Variants in RBFOX1 observed in about 807,000 individuals in gnomAD.
RBFOX1 encodes RNA binding protein fox-1 homolog 1.
In RBFOX1, 8 loss-of-function variants were observed where a neutral mutation model predicts 57.7. The observed-to-expected ratio is 0.14, with a 90% CI of 0.08 to 0.25. The LOEUF (loss-of-function observed/expected upper bound fraction) is 0.25, where lower values mean the gene tolerates loss of function less well. RBFOX1 is among the 10% of genes least tolerant of loss of function. The probability of loss-of-function intolerance (pLI) is 1.00; values close to 1 mark genes in which losing one functional copy is unlikely to be tolerated. For missense variants in RBFOX1, 611 were observed against 548.5 expected, an observed-to-expected ratio of 1.11 and a Z score of -1.14; for synonymous variants, 326 against 222.4, an observed-to-expected ratio of 1.47 and a Z score of -4.15.
At chr16:6,680,028 A>T (rs1321556069) in intron 3 of RBFOX1, among the ~76,000 whole-genome samples, 1 of 151,998 alleles carries the variant, frequency 6.6e-6, no homozygotes, top group African/African-American at 2.4e-5. Flanking sequence ...GACAGAGTTC[A>T]ACCCAGTTCT....
intron 4 of RBFOX1, among the ~76,000 whole-genome samples, chr16:7,351,647 C>T (rs2097131886): frequency 6.6e-6 from 1 of 152,312 alleles, no homozygotes; most frequent in African/African-American, 2.4e-5. Context: ...CACCCATTAG[C>T]TCACTTGTTC....
intron 3 of RBFOX1, among the ~76,000 whole-genome samples, chr16:5,765,196 T>C (rs182103488): frequency 1.3e-5 from 2 of 152,208 alleles, no homozygotes; most frequent in Admixed American, 1.3e-4. Context: ...AATACACATA[T>C]CCTCTCCAGA....
intron 4 of RBFOX1, among the ~76,000 whole-genome samples, chr16:7,311,911 G>A (rs1035826017): frequency 6.6e-6 from 1 of 152,204 alleles, no homozygotes; most frequent in East Asian, 1.9e-4. Context: ...TGATCCAGCT[G>A]AATTGAGCAA....
chr16:7,448,411 G>A (rs1477555745), intron 4 of RBFOX1, among the ~76,000 whole-genome samples: 1 of 152,152 alleles, frequency 6.6e-6, no homozygotes, highest in Non-Finnish European at 1.5e-5. Flanking sequence ...ATGGTGGAAG[G>A]CAAAGGAGGT....
At chr16:5,424,872 TTTTTTTCTTTC>T (rs1466491485) in intron 1 of RBFOX1, among the ~76,000 whole-genome samples, 21 of 100,262 alleles carry the variant, frequency 2.1e-4, no homozygotes, top group African/African-American at 4.6e-4. Flanking sequence ...CTTTCTTTCT[TTTTTTTCTTTC>T]TTTCTTTCTT....
chr16:6,876,613 A>G (rs1018101242), intron 3 of RBFOX1, among the ~76,000 whole-genome samples: 1 of 152,202 alleles, frequency 6.6e-6, no homozygotes, highest in Non-Finnish European at 1.5e-5. Context: ...ATACTAGAGT[A>G]AAAGACTTGT....
chr16:7,047,946 T>C (rs923572452), intron 3 of RBFOX1, among the ~76,000 whole-genome samples: 5 of 152,074 alleles, frequency 3.3e-5, no homozygotes, highest in African/African-American at 1.2e-4. Flanking sequence ...TGGTGCAGTC[T>C]TTACTCACTG....
At chr16:6,003,558 C>A (rs894302121) in intron 4 of RBFOX1, among the ~76,000 whole-genome samples, 1 of 151,718 alleles carries the variant, frequency 6.6e-6, no homozygotes, top group South Asian at 2.1e-4. Flanking sequence ...TCCACCCCTG[C>A]GGTACCTTTG....
At chr16:6,519,937 A>G (rs541458868) in intron 2 of RBFOX1, among the ~76,000 whole-genome samples, 1 of 152,306 alleles carries the variant, frequency 6.6e-6, no homozygotes, top group African/African-American at 2.4e-5. Flanking sequence ...CCCTTCTGCA[A>G]TGACTGAGCA....
chr16:7,422,318 G>A (rs545016712), intron 4 of RBFOX1, among the ~76,000 whole-genome samples: 1 of 152,262 alleles, frequency 6.6e-6, no homozygotes, highest in African/African-American at 2.4e-5. Context: ...CCACACAGGA[G>A]AGCAAGTGAG....
At chr16:7,666,058 G>A (rs774249995) in intron 13 of RBFOX1, among the ~76,000 whole-genome samples, 34 of 152,242 alleles carry the variant, frequency 2.2e-4, no homozygotes, top group Middle Eastern at 3.4e-3. Context: ...TTCACTCAGT[G>A]ATCAATTTTC....
At chr16:6,876,687 A>C (rs909343184) in intron 3 of RBFOX1, among the ~76,000 whole-genome samples, 2 of 152,100 alleles carry the variant, frequency 1.3e-5, no homozygotes, top group Non-Finnish European at 2.9e-5. Flanking sequence ...TCTTGGCTGG[A>C]ACCAAAGAAG....
chr16:6,951,398 A>G (rs994188719), intron 3 of RBFOX1, among the ~76,000 whole-genome samples: 11 of 152,182 alleles, frequency 7.2e-5, no homozygotes, highest in South Asian at 2.1e-4. Flanking sequence ...GCTTAAAACA[A>G]TAACGTACAT....
intron 4 of RBFOX1, among the ~76,000 whole-genome samples, chr16:7,118,509 A>G (rs2066416472): frequency 6.6e-6 from 1 of 152,160 alleles, no homozygotes; most frequent in Non-Finnish European, 1.5e-5. Context: ...GTACACTCAA[A>G]GCCAAGCCTT....
intron 4 of RBFOX1, among the ~76,000 whole-genome samples, chr16:5,965,500 C>T (rs1002732123): frequency 6.6e-6 from 1 of 152,162 alleles, no homozygotes; most frequent in Non-Finnish European, 1.5e-5. Context: ...TGCTTCAACT[C>T]AGGCAGAACT....
chr16:6,754,768 T>A (rs769681190), intron 3 of RBFOX1, among the ~76,000 whole-genome samples: 4 of 152,096 alleles, frequency 2.6e-5, no homozygotes, highest in Non-Finnish European at 4.4e-5. Context: ...GTTAGTTACA[T>A]ATGTATACAT....
At chr16:5,824,760 C>G (rs2055977481) in intron 3 of RBFOX1, among the ~76,000 whole-genome samples, 1 of 152,224 alleles carries the variant, frequency 6.6e-6, no homozygotes, top group African/African-American at 2.4e-5. Flanking sequence ...TAACTGCACA[C>G]TTTGAGCCCA....
intron 2 of RBFOX1, among the ~76,000 whole-genome samples, chr16:6,637,564 T>TTCTATATAGTATGTATAGAATAG (rs1555636882): frequency 2.8e-4 from 36 of 128,474 alleles, no homozygotes; most frequent in African/African-American, 1.1e-3. Flanking sequence ...ATATATAATA[T>TTCTATATAGTATGTATAGAATAG]TCTATATAGT....
At chr16:6,372,110 G>C (rs191534049) in intron 2 of RBFOX1, among the ~76,000 whole-genome samples, 1 of 152,202 alleles carries the variant, frequency 6.6e-6, no homozygotes, top group East Asian at 1.9e-4. Flanking sequence ...AGATTCGATG[G>C]AAAAGTATAG....
Sources: allele counts gnomAD v4.1 joint callset (sites outside exome capture counted in the v4.1 genomes callset), GRCh38; gene constraint gnomAD v4.1.1; transcripts MANE v1.5; gene names NCBI Gene and HGNC (gene_info 2026-07-23, HGNC 2026-07-21).